Variants in SMYD3 observed in about 807,000 individuals in gnomAD.
SMYD3 encodes the protein histone-lysine N-methyltransferase SMYD3.
Under a neutral mutation model 57.7 loss-of-function variants are expected in SMYD3, and 36 were observed. The observed-to-expected ratio is 0.62, with a 90% confidence interval of 0.48 to 0.82. The LOEUF is 0.82. Among genes scored for constraint, SMYD3 ranks in the 40% least tolerant of loss-of-function variants. The pLI is 0.00. For missense variants in SMYD3, 515 were observed against 538.8 expected (o/e 0.96, Z 0.44); for synonymous variants, 211 against 195.0 (o/e 1.08, Z -0.68).
intron 5 of SMYD3, among the ~76,000 whole-genome samples, chr1:246,262,220 G>C (rs1030478695): frequency 2.6e-5 from 4 of 152,158 alleles, no homozygotes; most frequent in Non-Finnish European, 4.4e-5. Context: ...GAGTCCAAAA[G>C]CCCTGTGGAT....
chr1:245,858,508 A>G lies in SMYD3; in HGVS notation c.1064T>C (p.Met355Thr), dbSNP rs765060951. Residue 355 changes from methionine to threonine, a missense_variant, in exon 10 of 12, where the codon ATG (methionine) becomes ACG (threonine). Coordinates refer to ENST00000490107, the MANE Select transcript of SMYD3 (RefSeq NM_001167740.2). ...CCCTGGGACTTGCCTGTATGGCTCC[A>G]TGGTCCGAGTACCATAGAACAAGGC... ...EEALFYGTRT[M>T]EPYRIFFPGS... 6.2e-7 allele frequency: 1 copy of G among 1,613,684 alleles called. No homozygotes were observed. The highest frequency in any genetic ancestry group is 2.2e-5 in the East Asian group (1 of 44,880).
chr1:245,843,166 G>A (rs1445713544), intron 10 of SMYD3, among the ~76,000 whole-genome samples: 1 of 152,188 alleles, frequency 6.6e-6, no homozygotes, highest in African/African-American at 2.4e-5. Context: ...GATGGCTGCT[G>A]TGGGAACTGC....
intron 1 of SMYD3, among the ~76,000 whole-genome samples, chr1:246,445,505 C>T (rs1029178518): frequency 2.6e-5 from 4 of 152,102 alleles, no homozygotes; most frequent in African/African-American, 9.7e-5. Flanking sequence ...GGATAAACAG[C>T]ACTAGTAAAA....
chr1:246,030,375 T>C (rs186656922), intron 5 of SMYD3, among the ~76,000 whole-genome samples: 152 of 152,340 alleles, frequency 1.0e-3, no homozygotes, highest in Non-Finnish European at 2.0e-3. Context: ...GATGTTGTTT[T>C]GTGCTCATCA....
chr1:245,882,781 TA>T (rs933325681), intron 8 of SMYD3, among the ~76,000 whole-genome samples: 4 of 152,108 alleles, frequency 2.6e-5, no homozygotes. Context: ...TTTAAATTAA[TA>T]AAAAAATCTA....
chr1:246,217,800 A>C (rs2063187999), intron 5 of SMYD3, among the ~76,000 whole-genome samples: 1 of 152,206 alleles, frequency 6.6e-6, no homozygotes, highest in Admixed American at 6.5e-5. Flanking sequence ...ACAGTTTTTA[A>C]ATCCCACAAT....
At chr1:246,306,922 C>G (rs1025172803) in intron 5 of SMYD3, among the ~76,000 whole-genome samples, 2 of 152,042 alleles carry the variant, frequency 1.3e-5, no homozygotes, top group African/African-American at 2.4e-5. Context: ...AGACCAATGA[C>G]CTGACATCAA....
At chr1:246,107,703 A>G (rs909663858) in intron 5 of SMYD3, among the ~76,000 whole-genome samples, 1 of 152,254 alleles carries the variant, frequency 6.6e-6, no homozygotes, top group African/African-American at 2.4e-5. Context: ...TGGCAAATGA[A>G]TCACTCTTCC....
intron 5 of SMYD3, among the ~76,000 whole-genome samples, chr1:245,941,369 A>G (rs1258745643): frequency 6.6e-6 from 1 of 152,142 alleles, no homozygotes; most frequent in Non-Finnish European, 1.5e-5. Context: ...TAATCATCAG[A>G]TTCTCCATGG....
chr1:246,172,994 G>A (rs1176944018), intron 5 of SMYD3, among the ~76,000 whole-genome samples: 13 of 149,594 alleles, frequency 8.7e-5, no homozygotes, highest in Admixed American at 8.6e-4. Flanking sequence ...TGTACGCTTA[G>A]GCTACACAGG....
intron 1 of SMYD3, among the ~76,000 whole-genome samples, chr1:246,463,196 G>GA (rs2067828264): frequency 6.6e-6 from 1 of 152,126 alleles, no homozygotes; most frequent in South Asian, 2.1e-4. Flanking sequence ...ACCAGGTGAC[G>GA]AATCAGGAGA....
intron 2 of SMYD3, among the ~76,000 whole-genome samples, chr1:246,339,766 G>A (rs115636931): frequency 0.03 from 4,626 of 152,242 alleles, 91 homozygotes; most frequent in Non-Finnish European, 0.04. Context: ...GCTCACGAAC[G>A]GATTCATGTC....
chr1:246,338,107 A>G (rs1193116782), intron 2 of SMYD3, among the ~76,000 whole-genome samples: 2 of 152,246 alleles, frequency 1.3e-5, no homozygotes, highest in African/African-American at 4.8e-5. Flanking sequence ...GCCAAATCAG[A>G]TCATTTAGGC....
At chr1:246,482,602 C>A (rs2068126701) in intron 1 of SMYD3, among the ~76,000 whole-genome samples, 1 of 152,204 alleles carries the variant, frequency 6.6e-6, no homozygotes. Flanking sequence ...TGCCAGTACA[C>A]CTCCCTGCAC....
chr1:245,943,229 TA>T lies in SMYD3; in HGVS notation c.532-13293del, dbSNP rs1296775442. Among the ~76,000 whole-genome samples the T allele has an allele frequency of 6.7e-5, 6 of 89,148 alleles. No homozygotes were observed. In the East Asian group the frequency reaches 1.5e-3, roughly 22 times the overall value. 58.5% of individuals were successfully genotyped at this position (89,148 alleles called of 152,430 possible). A position where few individuals can be genotyped will look rare whatever the true frequency, so the allele number is the denominator to read the frequency against. ...GCTGAGTTTTTTTTTTTTTTTTTTT[TA>T]AATAAAATAGGCCACTAGCTAGACT... On this transcript the variant is annotated intron_variant, in intron 5 of 11. Transcript: ENST00000490107.
chr1:246,200,234 A>C (rs1341589328), intron 5 of SMYD3, among the ~76,000 whole-genome samples: 3 of 152,108 alleles, frequency 2.0e-5, no homozygotes, highest in African/African-American at 4.8e-5. Context: ...AAGAATGTAC[A>C]CAGATGCCCA....
chr1:245,778,383 T>C (rs2185374), intron 10 of SMYD3, among the ~76,000 whole-genome samples: 59,222 of 150,356 alleles, frequency 0.39, 15,493 homozygotes, highest in East Asian at 0.77. Context: ...TAGCCAATTA[T>C]TTTTTTTTTC....
chr1:246,336,551 A>G (rs1213329835), intron 2 of SMYD3, among the ~76,000 whole-genome samples: 1 of 152,252 alleles, frequency 6.6e-6, no homozygotes, highest in Admixed American at 6.5e-5. Flanking sequence ...TGTGTATGAA[A>G]TAAGACTGCA....
intron 5 of SMYD3, among the ~76,000 whole-genome samples, chr1:246,133,192 A>C (rs192421140): frequency 6.6e-6 from 1 of 151,982 alleles, no homozygotes. Flanking sequence ...ATATATAAAG[A>C]ACTCTCAAAA....
Sources: gnomAD v4.1 joint callset for allele counts (sites outside exome capture counted in the v4.1 genomes callset) on GRCh38, gnomAD v4.1.1 for gene constraint, MANE v1.5 for transcripts, NCBI Gene and HGNC (gene_info 2026-07-23, HGNC 2026-07-21) for gene names.